The following CYP4F11 variants were observed in gnomAD, a reference collection of about 807,000 sequenced individuals.
The protein encoded by CYP4F11 is cytochrome P450 family 4 subfamily F member 11, also known as cytochrome P450 4F11.
In CYP4F11, 79 loss-of-function variants were observed where a neutral mutation model predicts 62.2. That is an observed-to-expected ratio of 1.27 (90% confidence interval 1.06 to 1.53). CYP4F11 has a LOEUF of 1.53. Among genes scored for constraint, CYP4F11 ranks in the 40% most tolerant of loss-of-function variants. The pLI is 0.00. For synonymous variants in CYP4F11, 290 were observed against 263.7 expected, an observed-to-expected ratio of 1.10 and a Z score of -0.97; for missense variants, 777 against 680.5, an observed-to-expected ratio of 1.14 and a Z score of -1.58.
chr19:15,933,903 G>A lies in CYP4F11; in HGVS notation c.198+308C>T, dbSNP rs371315926. Among the ~76,000 whole-genome samples, 43 of 107,292 alleles carry A rather than the reference G, an allele frequency of 4.0e-4. 2 individuals are homozygous for A. The highest frequency in any genetic ancestry group is 6.3e-4 in the Non-Finnish European group (34 of 54,202). 70.4% of individuals were successfully genotyped at this position (107,292 alleles called of 152,430 possible). ...GAGCGAGAAGAGGAATGAGTGAGTGGGCAGAGGAATGAGTGAGCGGGGAGA... is the reference window on the plus strand; with the variant it reads ...GAGCGAGAAGAGGAATGAGTGAGTGAGCAGAGGAATGAGTGAGCGGGGAGA... On this transcript the variant is annotated intron_variant, in intron 1 of 11. Transcript: ENST00000402119.
At chr19:15,921,273 T>G (rs550998306) in intron 8 of CYP4F11, among the ~76,000 whole-genome samples, 2 of 152,216 alleles carry the variant, frequency 1.3e-5, no homozygotes, top group Non-Finnish European at 2.9e-5. Flanking sequence ...ATTCTCACTA[T>G]GTTGTCCAGG....
intron 6 of CYP4F11, among the ~76,000 whole-genome samples, chr19:15,923,238 C>CTCTCT (rs2089642090): frequency 6.3e-5 from 7 of 110,456 alleles, no homozygotes; most frequent in Non-Finnish European, 1.1e-4. Flanking sequence ...AAGCAAACAT[C>CTCTCT]CTCTCTCTCT....
Position 15,913,830 on chromosome 19 carries a change from G to T in CYP4F11, c.1477C>A (p.Pro493Thr). 2 of 1,614,094 alleles carry T rather than the reference G, an allele frequency of 1.2e-6. No individual in the cohort carries two copies. The highest frequency in any genetic ancestry group is 1.7e-4 in the Middle Eastern group (1 of 6,060). Residue 493 changes from proline to threonine, a missense_variant, in exon 12 of 12, where the codon CCG becomes ACG. Transcript: ENST00000402119. ...TTCCTGCGGGGTTCAGTGTGGGTCG[G>T]CAGGATGCGGAAGTGCAGCAGGGTG... ...ALTLLHFRIL[P>T]THTEPRRKPE...
intron 2 of CYP4F11, among the ~76,000 whole-genome samples, chr19:15,928,602 C>T (rs1292810664): frequency 2.6e-5 from 4 of 152,182 alleles, no homozygotes; most frequent in East Asian, 1.9e-4. Context: ...TTCCATCACT[C>T]GCAACTGAAA....
At chr19:15,914,030 GA>G in intron 11 of CYP4F11, 121 bp from the exon 12 acceptor site, 1 of 1,286,986 alleles carries the variant, frequency 7.8e-7, no homozygotes. Flanking sequence ...AGAAAGAGGG[GA>G]TAAGTGTCCA....
At chr19:15,915,626 G>C (rs2089577869) in intron 8 of CYP4F11, among the ~76,000 whole-genome samples, 1 of 151,950 alleles carries the variant, frequency 6.6e-6, no homozygotes, top group East Asian at 1.9e-4. Flanking sequence ...AAAAATATGA[G>C]TACATCATAT....
At chr19:15,916,537 A>T (rs754224423) in intron 8 of CYP4F11, among the ~76,000 whole-genome samples, 1 of 152,150 alleles carries the variant, frequency 6.6e-6, no homozygotes, top group Non-Finnish European at 1.5e-5. Context: ...CTGACAAGGG[A>T]CTAGTATCAA....
At chr19:15,919,290 A>T (rs1016149672) in intron 8 of CYP4F11, among the ~76,000 whole-genome samples, 1 of 148,686 alleles carries the variant, frequency 6.7e-6, no homozygotes, top group African/African-American at 2.5e-5. Flanking sequence ...ATTGACTCCT[A>T]TTTATATAAA....
chr19:15,929,482 A>G lies in CYP4F11; in HGVS notation c.318T>C (p.Ile106=), dbSNP rs3765070. Residue 106 remains isoleucine (I), a synonymous_variant, in exon 2 of 12, where the codon ATT becomes ATC. Transcript: ENST00000402119. The part of the protein sequence containing the change: ...FPLLILCHPD[I]IRPITSASAA... The stretch of plus-strand genomic sequence containing the variant: ...CTGAGGCACTGGTGATAGGCCGGAT[A>G]ATGTCAGGGTGGCATAAAATGAGGA... 0.59 allele frequency: 949,724 copies of G among 1,613,618 alleles called. 283,207 individuals carry two copies. Among genetic ancestry groups the G allele is most frequent in the Non-Finnish European group, 0.61 (722,132 of 1,179,840 alleles).
At chr19:15,923,360 T>C (rs902371020) in intron 6 of CYP4F11, among the ~76,000 whole-genome samples, 3 of 151,786 alleles carry the variant, frequency 2.0e-5, no homozygotes, top group African/African-American at 7.3e-5. Context: ...CCAAGATGTA[T>C]ACTGTGGGGC....
intron 1 of CYP4F11, among the ~76,000 whole-genome samples, chr19:15,931,620 G>A (rs1568257506): frequency 2.3e-5 from 2 of 86,666 alleles, no homozygotes; most frequent in African/African-American, 1.1e-4. Flanking sequence ...GAATGAGTGA[G>A]CGAGGAGAGG....
rs59091525 is a variant in CYP4F11, at chr19:15,912,680, A to AAAAAAAAAAATATATATAT, written c.*1051_*1052insATATATATATTTTTTTTTT. 7.6e-5 allele frequency: 5 copies of AAAAAAAAAAATATATATAT among 66,174 alleles called. No homozygotes were observed. The highest frequency in any genetic ancestry group is 1.9e-4 in the African/African-American group (3 of 15,512). The allele number at this position is 66,174 out of a possible 1,614,324, so 4.1% of individuals were successfully genotyped here. ...TCACCATCCTCAGGAAAAAAAAAAA[A>AAAAAAAAAAATATATATAT]ATATATATATATATATATGTGTGTG... On this transcript the variant is annotated 3_prime_UTR_variant, in exon 12 of 12. Transcript: ENST00000402119.
chr19:15,931,549 G>A (rs202212159), intron 1 of CYP4F11, among the ~76,000 whole-genome samples: 8,824 of 100,016 alleles, frequency 0.088, 720 homozygotes, highest in Admixed American at 0.14. Context: ...AGCGGGGAGA[G>A]GAATGAGTGA....
At chr19:15,915,555 A>C (rs747590501) in intron 8 of CYP4F11, among the ~76,000 whole-genome samples, 7 of 152,174 alleles carry the variant, frequency 4.6e-5, no homozygotes, top group Non-Finnish European at 7.4e-5. Flanking sequence ...TCTTCTCCTC[A>C]CAGGTTGCCT....
At chr19:15,929,736 T>C (rs762631873) in intron 1 of CYP4F11, 135 bp from the exon 2 acceptor site, 1 of 1,016,718 alleles carries the variant, frequency 9.8e-7, no homozygotes, top group Non-Finnish European at 1.4e-6. Context: ...TCTGGATGTG[T>C]CCATCGGTGT....
intron 5 of CYP4F11, among the ~76,000 whole-genome samples, chr19:15,924,454 C>T (rs1368764982): frequency 6.6e-6 from 1 of 152,208 alleles, no homozygotes; most frequent in African/African-American, 2.4e-5. Context: ...GACAGGCAGA[C>T]CTCCACAGAG....
chr19:15,921,368 G>A lies in CYP4F11; in HGVS notation c.1115+669C>T, dbSNP rs1487258790. Among the ~76,000 whole-genome samples, 4 of 152,252 alleles carry A rather than the reference G, an allele frequency of 2.6e-5. No individual in the cohort carries two copies. In the South Asian group the frequency reaches 6.2e-4, roughly 24 times the overall value. On this transcript the variant is annotated intron_variant, in intron 8 of 11. Coordinates refer to ENST00000402119, the MANE Select transcript of CYP4F11 (RefSeq NM_021187.4). ...ATTACAGGTGCCAGCCACTGTGGCC[G>A]GGTGAGACACTTTCTGTACCTCCAG...
intron 1 of CYP4F11, among the ~76,000 whole-genome samples, chr19:15,931,189 G>A (rs1349801352): frequency 6.6e-6 from 1 of 151,920 alleles, no homozygotes; most frequent in African/African-American, 2.4e-5. Context: ...AAAGGAGGCA[G>A]CGGGAGACTG....
At chr19:15,925,426 G>A (rs1437508227) in intron 4 of CYP4F11, among the ~76,000 whole-genome samples, 2 of 152,106 alleles carry the variant, frequency 1.3e-5, no homozygotes, top group African/African-American at 2.4e-5. Flanking sequence ...CTCAGTAAAT[G>A]TTGGTTTTAC....
Sources: allele counts gnomAD v4.1 joint callset (sites outside exome capture counted in the v4.1 genomes callset), GRCh38; gene constraint gnomAD v4.1.1; transcripts MANE v1.5; gene names NCBI Gene and HGNC (gene_info 2026-07-23, HGNC 2026-07-21).